Variants in ITGA9 observed in about 807,000 individuals in gnomAD.
The protein encoded by ITGA9 is integrin subunit alpha 9.
A neutral mutation model predicts 127.8 loss-of-function variants in ITGA9; 56 were observed. The observed-to-expected ratio is 0.44, with a 90% CI of 0.35 to 0.55. ITGA9 has a LOEUF of 0.55. Among genes scored for constraint, ITGA9 ranks in the 20% least tolerant of loss-of-function variants. ITGA9 has a pLI of 0.00. For synonymous variants in ITGA9, 508 were observed against 514.5 expected, an observed-to-expected ratio of 0.99 and a Z score of 0.17; for missense variants, 1,196 against 1,347.1, an observed-to-expected ratio of 0.89 and a Z score of 1.76.
chr3:37,812,240 G>A (rs1356588524), intron 27 of ITGA9, among the ~76,000 whole-genome samples: 3 of 152,194 alleles, frequency 2.0e-5, no homozygotes, highest in Non-Finnish European at 2.9e-5. Flanking sequence ...TCGACATCTC[G>A]AGACAGAGAC....
At chr3:37,701,296 G>A (rs529795474) in intron 18 of ITGA9, among the ~76,000 whole-genome samples, 1 of 152,286 alleles carries the variant, frequency 6.6e-6, no homozygotes, top group African/African-American at 2.4e-5. Flanking sequence ...TCTTATTTAG[G>A]TATCCCCAGA....
chr3:37,675,582 C>T (rs1700673184), intron 17 of ITGA9, among the ~76,000 whole-genome samples: 1 of 152,104 alleles, frequency 6.6e-6, no homozygotes, highest in Non-Finnish European at 1.5e-5. Flanking sequence ...GCACAACATA[C>T]AACTTTGGAC....
intron 15 of ITGA9, among the ~76,000 whole-genome samples, chr3:37,599,091 T>C (rs974447204): frequency 1.3e-5 from 2 of 152,244 alleles, no homozygotes; most frequent in Non-Finnish European, 2.9e-5. Flanking sequence ...CTCATTCTTA[T>C]AGGAAGGATT....
At chr3:37,507,778 A>C (rs1428344030) in intron 7 of ITGA9, among the ~76,000 whole-genome samples, 1 of 152,166 alleles carries the variant, frequency 6.6e-6, no homozygotes, top group Non-Finnish European at 1.5e-5. Flanking sequence ...TGGATATTCT[A>C]GTGTCAGGGC....
At chr3:37,489,882 T>C (rs1036026617) in intron 4 of ITGA9, among the ~76,000 whole-genome samples, 10 of 152,204 alleles carry the variant, frequency 6.6e-5, no homozygotes, top group Non-Finnish European at 1.2e-4. Context: ...TACTGAAGCG[T>C]GCGACTTGTG....
At chr3:37,642,223 G>A (rs1022812960) in intron 16 of ITGA9, among the ~76,000 whole-genome samples, 1 of 152,198 alleles carries the variant, frequency 6.6e-6, no homozygotes, top group Admixed American at 6.5e-5. Flanking sequence ...TGGGATTACA[G>A]GCATGAGCCA....
intron 16 of ITGA9, among the ~76,000 whole-genome samples, chr3:37,652,271 T>TA (rs1700436393): frequency 1.3e-5 from 2 of 152,298 alleles, no homozygotes; most frequent in South Asian, 4.1e-4. Flanking sequence ...TCAAAGCTCA[T>TA]AAAGCCCACC....
At position 37,542,406 on chromosome 3, in the gene ITGA9, A is replaced by G; in HGVS notation, c.1529-19A>G. On this transcript the variant is annotated intron_variant, in intron 14 of 27. Coordinates refer to ENST00000264741, the MANE Select transcript of ITGA9 (RefSeq NM_002207.3). ...TGTGTCGGTCCTTTCTGACATTTTG[A>G]CCTCTCATTTATTGGCAGGCCTGAA... 1 of 1,612,432 alleles carries G rather than the reference A, an allele frequency of 6.2e-7. No homozygotes were observed. The highest frequency in any genetic ancestry group is 8.5e-7 in the Non-Finnish European group (1 of 1,179,824).
chr3:37,721,569 C>G (rs1287721391), intron 18 of ITGA9, among the ~76,000 whole-genome samples: 1 of 152,182 alleles, frequency 6.6e-6, no homozygotes, highest in Admixed American at 6.5e-5. Flanking sequence ...GCCTTGGCTT[C>G]CACATGGATG....
At position 37,823,097 on chromosome 3, in the gene ITGA9, A is replaced by T. The variant is rs536700097; in HGVS notation, c.*4108A>T. Reference sequence around the variant, plus strand: ...GTAGGGCCAAAATGAAACTTCTAGGATGTCTTCTGAATTTTCAGCACATGG... The same window carrying T: ...GTAGGGCCAAAATGAAACTTCTAGGTTGTCTTCTGAATTTTCAGCACATGG... On this transcript the variant is annotated 3_prime_UTR_variant, in exon 28 of 28. Transcript: ENST00000264741. 5 of 152,216 alleles carry T rather than the reference A, an allele frequency of 3.3e-5. No individual in the cohort carries two copies. The highest frequency in any genetic ancestry group is 9.6e-5 in the African/African-American group (4 of 41,468). The allele number at this position is 152,216 out of a possible 1,614,324, so 9.4% of individuals were successfully genotyped here. A position where few individuals can be genotyped will look rare whatever the true frequency, so the allele number is the denominator to read the frequency against.
intron 2 of ITGA9, among the ~76,000 whole-genome samples, chr3:37,471,859 G>A (rs1559514461): frequency 6.6e-6 from 1 of 152,168 alleles, no homozygotes; most frequent in South Asian, 2.1e-4. Context: ...TTCAAGACCA[G>A]CCTGTGCAAC....
intron 23 of ITGA9, among the ~76,000 whole-genome samples, chr3:37,756,939 C>CCTTTATTCTTA (rs1696659450): frequency 2.0e-5 from 3 of 150,014 alleles, no homozygotes; most frequent in African/African-American, 7.6e-5. Flanking sequence ...AAAAAGAAAT[C>CCTTTATTCTTA]AAAGTTGAAG....
At chr3:37,502,983 C>A (rs890373065) in intron 5 of ITGA9, among the ~76,000 whole-genome samples, 195 bp from the exon 6 acceptor site, 2 of 152,130 alleles carry the variant, frequency 1.3e-5, no homozygotes, top group African/African-American at 2.4e-5. Context: ...CATCTTTAGT[C>A]CTGATAATCC....
intron 16 of ITGA9, among the ~76,000 whole-genome samples, chr3:37,643,021 G>T (rs1365047628): frequency 6.6e-6 from 1 of 152,216 alleles, no homozygotes; most frequent in Non-Finnish European, 1.5e-5. Context: ...GGAATGGAAG[G>T]CTAAGAGGGT....
intron 1 of ITGA9, among the ~76,000 whole-genome samples, chr3:37,456,142 G>A (rs772430429): frequency 1.3e-5 from 2 of 152,136 alleles, no homozygotes; most frequent in Admixed American, 6.5e-5. Context: ...GAGTGGTCCC[G>A]CTGTCACTGT....
intron 13 of ITGA9, among the ~76,000 whole-genome samples, chr3:37,528,293 G>A (rs995824797): frequency 6.6e-6 from 1 of 152,220 alleles, no homozygotes; most frequent in African/African-American, 2.4e-5. Context: ...TACACAATGG[G>A]TGGGAGACCC....
At chr3:37,696,630 T>A (rs1454688924) in intron 18 of ITGA9, among the ~76,000 whole-genome samples, 5 of 152,212 alleles carry the variant, frequency 3.3e-5, no homozygotes, top group Non-Finnish European at 7.3e-5. Flanking sequence ...CTGTCTCTAG[T>A]TTGGCATCTT....
At chr3:37,478,524 C>G (rs1331067150) in intron 3 of ITGA9, among the ~76,000 whole-genome samples, 1 of 152,196 alleles carries the variant, frequency 6.6e-6, no homozygotes, top group Non-Finnish European at 1.5e-5. Flanking sequence ...CCCTCCTTCC[C>G]CTTTCTTATG....
At chr3:37,586,226 T>C (rs1471937934) in intron 15 of ITGA9, among the ~76,000 whole-genome samples, 1 of 152,210 alleles carries the variant, frequency 6.6e-6, no homozygotes, top group East Asian at 1.9e-4. Flanking sequence ...AGCAAAGACG[T>C]AGAAACCGTC....
Sources: gnomAD v4.1 joint callset for allele counts (sites outside exome capture counted in the v4.1 genomes callset) on GRCh38, gnomAD v4.1.1 for gene constraint, MANE v1.5 for transcripts, NCBI Gene and HGNC (gene_info 2026-07-23, HGNC 2026-07-21) for gene names.